PLXNA4: variants seen among roughly 807,000 people sequenced by gnomAD.
PLXNA4 encodes the protein plexin-A4.
PLXNA4 carries 44 observed loss-of-function variants against 191.8 expected under a neutral mutation model. The observed-to-expected ratio is 0.23, with a 90% CI of 0.18 to 0.29. PLXNA4 has a LOEUF of 0.29. PLXNA4 is among the 10% of genes least tolerant of loss of function. PLXNA4 has a pLI of 1.00. For missense variants in PLXNA4, 1,800 were observed against 2,488.8 expected, an observed-to-expected ratio of 0.72 and a Z score of 5.89; for synonymous variants, 1,082 against 1,009.5, an observed-to-expected ratio of 1.07 and a Z score of -1.36.
intron 4 of PLXNA4, among the ~76,000 whole-genome samples, chr7:132,253,208 T>C (rs1584903416): frequency 6.6e-6 from 1 of 150,958 alleles, no homozygotes; most frequent in East Asian, 2.0e-4. Flanking sequence ...TATTTTAGGG[T>C]GACAGCTTGA....
intron 1 of PLXNA4, among the ~76,000 whole-genome samples, chr7:132,523,349 T>C (rs769653882): frequency 8.5e-5 from 13 of 152,254 alleles, no homozygotes; most frequent in Middle Eastern, 3.4e-3. Flanking sequence ...ATCTCTGAGG[T>C]GACACTTGCA....
At chr7:132,271,895 T>A (rs1265364640) in intron 4 of PLXNA4, among the ~76,000 whole-genome samples, 1 of 152,134 alleles carries the variant, frequency 6.6e-6, no homozygotes. Context: ...GAAAGAAAAC[T>A]GTAGTTTAAA....
At chr7:132,224,001 T>C (rs1798231063) in intron 8 of PLXNA4, among the ~76,000 whole-genome samples, 1 of 151,952 alleles carries the variant, frequency 6.6e-6, no homozygotes, top group Non-Finnish European at 1.5e-5. Context: ...AAAGATTAGG[T>C]TTGTATGCAA....
intron 3 of PLXNA4, among the ~76,000 whole-genome samples, chr7:132,343,406 C>T (rs972036417): frequency 3.3e-5 from 5 of 152,316 alleles, no homozygotes; most frequent in Admixed American, 3.3e-4. Flanking sequence ...GCTCCCCTTT[C>T]CCCTCCCACA....
chr7:132,480,018 A>C (rs1176222989), intron 3 of PLXNA4, among the ~76,000 whole-genome samples: 1 of 152,166 alleles, frequency 6.6e-6, no homozygotes, highest in Non-Finnish European at 1.5e-5. Flanking sequence ...CTTCTGAAGT[A>C]GTCTCCCTAA....
At chr7:132,131,913 A>G (rs2116494625) in intron 31 of PLXNA4, among the ~76,000 whole-genome samples, 1 of 152,204 alleles carries the variant, frequency 6.6e-6, no homozygotes, top group East Asian at 1.9e-4. Context: ...GCAGGACTCC[A>G]GGCCTTGGGC....
chr7:132,403,982 G>T (rs552609972), intron 3 of PLXNA4, among the ~76,000 whole-genome samples: 1 of 152,164 alleles, frequency 6.6e-6, no homozygotes, highest in Non-Finnish European at 1.5e-5. Context: ...GGTCAGAGCC[G>T]GATAACGGGT....
At chr7:132,134,500 A>G (rs764056188) in intron 30 of PLXNA4, among the ~76,000 whole-genome samples, 8 of 152,218 alleles carry the variant, frequency 5.3e-5, no homozygotes, top group Non-Finnish European at 8.8e-5. Flanking sequence ...TTTGAGCCAC[A>G]GTGGTACTGG....
chr7:132,187,567 A>T lies in PLXNA4; in HGVS notation c.2897T>A (p.Met966Lys). 6.2e-7 allele frequency: 1 copy of T among 1,613,940 alleles called. No homozygotes were observed. ...LSDLKPSRGPMSGGTQVTITG... is the reference protein window; with the variant it reads ...LSDLKPSRGPKSGGTQVTITG... ...GATGGTCACTTGGGTCCCTCCGGAC[A>T]TGGGCCCCCGGCTGGGCTTCAGATC... The change falls in exon 15 of 32, where the codon ATG (methionine) becomes AAG (lysine). Residue 966 changes from methionine (M) to lysine (K), a missense_variant. Physicochemically the swap from Met to Lys is moderately conservative, Grantham distance 95. This residue lies in a region of PLXNA4 where 1,397 missense variants were observed against 1,880.4 expected (regional missense o/e 0.74). Coordinates refer to ENST00000321063, the MANE Select transcript of PLXNA4 (RefSeq NM_020911.2).
intron 1 of PLXNA4, among the ~76,000 whole-genome samples, chr7:132,570,403 C>A (rs1454001065): frequency 6.6e-6 from 1 of 152,204 alleles, no homozygotes; most frequent in African/African-American, 2.4e-5. Flanking sequence ...AAGCAATCCA[C>A]CAGCTATGCC....
chr7:132,383,920 G>C (rs961592917), intron 3 of PLXNA4: 3 of 985,396 alleles, frequency 3.0e-6, no homozygotes, highest in Non-Finnish European at 3.6e-6. Flanking sequence ...CTCCTGGGAC[G>C]TATTTCTGAA....
chr7:132,554,086 A>T (rs1035964671), intron 1 of PLXNA4, among the ~76,000 whole-genome samples: 5 of 152,194 alleles, frequency 3.3e-5, no homozygotes, highest in Non-Finnish European at 5.9e-5. Flanking sequence ...AAGGATACCC[A>T]TTTGGAGATA....
At chr7:132,563,439 CTCT>C (rs1801465174) in intron 1 of PLXNA4, among the ~76,000 whole-genome samples, 1 of 93,186 alleles carries the variant, frequency 1.1e-5, no homozygotes, top group African/African-American at 4.4e-5. Flanking sequence ...CTTCCTCCTC[CTCT>C]TCCTCCTCCT....
intron 1 of PLXNA4, among the ~76,000 whole-genome samples, chr7:132,514,774 T>A (rs1280246845): frequency 6.6e-6 from 1 of 151,124 alleles, no homozygotes; most frequent in Non-Finnish European, 1.5e-5. Context: ...TGTGAGCCAA[T>A]TCCTTAAATC....
intron 2 of PLXNA4, among the ~76,000 whole-genome samples, chr7:132,505,576 G>A (rs1239185256): frequency 6.6e-6 from 1 of 152,212 alleles, no homozygotes; most frequent in African/African-American, 2.4e-5. Context: ...ATGTATGCAT[G>A]TATGGGTGTC....
At chr7:132,259,761 G>C (rs1799570864) in intron 4 of PLXNA4, among the ~76,000 whole-genome samples, 1 of 152,078 alleles carries the variant, frequency 6.6e-6, no homozygotes, top group African/African-American at 2.4e-5. Flanking sequence ...TAAATGGTGT[G>C]GTACATCCAG....
chr7:132,488,929 C>T (rs1180170974), intron 3 of PLXNA4, among the ~76,000 whole-genome samples: 1 of 152,214 alleles, frequency 6.6e-6, no homozygotes, highest in East Asian at 1.9e-4. Context: ...CAGGCATGTC[C>T]CTTCCCCCTG....
intron 3 of PLXNA4, among the ~76,000 whole-genome samples, chr7:132,346,531 G>A (rs1803252184): frequency 6.6e-6 from 1 of 152,122 alleles, no homozygotes; most frequent in African/African-American, 2.4e-5. Context: ...AAACATGCTG[G>A]AAAGGCCACA....
intron 4 of PLXNA4, 132 bp from the exon 5 acceptor site, chr7:132,241,298 C>G (rs1798868617): frequency 8.1e-6 from 5 of 618,828 alleles, no homozygotes; most frequent in Non-Finnish European, 1.4e-5. Context: ...GCTTGGAGCC[C>G]AGTGTGGGAA....
Sources: allele counts gnomAD v4.1 joint callset (sites outside exome capture counted in the v4.1 genomes callset), GRCh38; gene constraint gnomAD v4.1.1; regional missense constraint gnomAD v4.1.1; transcripts MANE v1.5; gene names NCBI Gene and HGNC (gene_info 2026-07-23, HGNC 2026-07-21).